The following TMTC2 variants were observed in gnomAD, a reference collection of about 807,000 sequenced individuals.
TMTC2 encodes the protein protein O-mannosyl-transferase TMTC2.
A neutral mutation model predicts 82.4 loss-of-function variants in TMTC2; 43 were observed. That is an observed-to-expected ratio of 0.52 (90% CI 0.41 to 0.67). The LOEUF is 0.67. Ranked by LOEUF, TMTC2 falls within the 30% of genes least tolerant of loss-of-function variation. The pLI, the probability that TMTC2 is intolerant of heterozygous loss-of-function variation, is 0.00. For synonymous variants in TMTC2, 408 were observed against 381.9 expected (o/e 1.07, Z -0.80); for missense variants, 919 against 1,012.4 (o/e 0.91, Z 1.25).
chr12:82,949,994 T>C (rs1481153468), intron 4 of TMTC2, among the ~76,000 whole-genome samples: 3 of 152,174 alleles, frequency 2.0e-5, no homozygotes, highest in Non-Finnish European at 4.4e-5. Context: ...AGTGCATGTA[T>C]AAATAAGAAA....
chr12:82,856,143 A>C (rs1871251274), intron 1 of TMTC2, among the ~76,000 whole-genome samples: 1 of 152,244 alleles, frequency 6.6e-6, no homozygotes, highest in Non-Finnish European at 1.5e-5. Flanking sequence ...GGAGACCAGC[A>C]TGGTGTTTGG....
chr12:82,749,739 C>CTTTCT (rs575985124), intron 1 of TMTC2, among the ~76,000 whole-genome samples: 5,733 of 127,042 alleles, frequency 0.045, 495 homozygotes, highest in African/African-American at 0.17. Flanking sequence ...TTCTTTCTTT[C>CTTTCT]TTTTTTTTTT....
chr12:83,095,018 A>G (rs1304358528), intron 11 of TMTC2, among the ~76,000 whole-genome samples: 1 of 152,202 alleles, frequency 6.6e-6, no homozygotes, highest in Non-Finnish European at 1.5e-5. Context: ...ATAAAGAGAT[A>G]CTAGGAAATT....
chr12:82,879,934 G>C (rs1440923344), intron 2 of TMTC2, among the ~76,000 whole-genome samples: 1 of 152,174 alleles, frequency 6.6e-6, no homozygotes. Flanking sequence ...TGGATGCCGG[G>C]ACTTCATCTG....
intron 1 of TMTC2, among the ~76,000 whole-genome samples, chr12:82,745,108 G>C (rs1412931059): frequency 6.6e-6 from 1 of 151,978 alleles, no homozygotes; most frequent in Admixed American, 6.6e-5. Context: ...AATAAGGCAC[G>C]AGTTAGCATC....
intron 1 of TMTC2, among the ~76,000 whole-genome samples, chr12:82,767,017 C>A (rs1371987667): frequency 2.0e-5 from 3 of 152,034 alleles, no homozygotes; most frequent in African/African-American, 4.8e-5. Context: ...ATTGGATTGA[C>A]AATAGCTTTT....
chr12:83,039,423 C>G (rs1171740689), intron 9 of TMTC2, among the ~76,000 whole-genome samples: 2 of 151,612 alleles, frequency 1.3e-5, no homozygotes, highest in Non-Finnish European at 2.9e-5. Flanking sequence ...ATGAAATATT[C>G]AAATATGATA....
At chr12:82,774,434 A>G (rs997593587) in intron 1 of TMTC2, among the ~76,000 whole-genome samples, 1 of 151,992 alleles carries the variant, frequency 6.6e-6, no homozygotes, top group African/African-American at 2.4e-5. Flanking sequence ...CAGCCTGGCC[A>G]ACATGGTGAA....
At chr12:82,844,396 C>A (rs371441569) in intron 1 of TMTC2, among the ~76,000 whole-genome samples, 3 of 152,134 alleles carry the variant, frequency 2.0e-5, no homozygotes, top group African/African-American at 7.2e-5. Flanking sequence ...ATAATCAAAT[C>A]CCTAGGCACA....
chr12:82,695,815 A>G (rs140710780), intron 1 of TMTC2, among the ~76,000 whole-genome samples: 383 of 152,260 alleles, frequency 2.5e-3, no homozygotes, highest in Admixed American at 4.8e-3. Context: ...TCATTACAGA[A>G]CCATTCCGAA....
At chr12:82,939,361 A>C (rs1743780326) in intron 4 of TMTC2, among the ~76,000 whole-genome samples, 1 of 152,044 alleles carries the variant, frequency 6.6e-6, no homozygotes, top group African/African-American at 2.4e-5. Context: ...TTTAATTTCT[A>C]TATAGAAAAA....
intron 1 of TMTC2, among the ~76,000 whole-genome samples, chr12:82,786,703 G>T (rs1878192236): frequency 6.6e-6 from 1 of 152,086 alleles, no homozygotes; most frequent in African/African-American, 2.4e-5. Flanking sequence ...TGTCTCAACA[G>T]TGATCTGGGC....
At chr12:82,863,519 T>C (rs1871657376) in intron 2 of TMTC2, among the ~76,000 whole-genome samples, 1 of 152,286 alleles carries the variant, frequency 6.6e-6, no homozygotes, top group South Asian at 2.1e-4. Context: ...AAAGTCAATG[T>C]TCAAAAATAT....
In TMTC2 at chr12:82,965,084, C is replaced by T. The variant is rs759887439; in HGVS notation, c.1659C>T (p.Ala553=). 7 of 1,612,154 alleles carry T rather than the reference C, an allele frequency of 4.3e-6. No homozygotes were observed. The African/African-American group carries it at 9.4e-5, about 22-fold the overall frequency. Residue 553 remains alanine (A), a synonymous_variant, in exon 5 of 12, where the codon GCC becomes GCT. Transcript: ENST00000321196. ...AAGCACTACATTATTATAAATTGGC[C>T]ATTGGGAGCAGGCCTACCCTGGCTT... ...FAEALHYYKL[A]IGSRPTLASA... is the part of the protein sequence containing the mutation.
chr12:83,072,594 A>G (rs1883155043), intron 11 of TMTC2, among the ~76,000 whole-genome samples: 1 of 152,208 alleles, frequency 6.6e-6, no homozygotes, highest in East Asian at 1.9e-4. Flanking sequence ...TAGTGCTGTC[A>G]GTGGAGTATT....
intron 7 of TMTC2, among the ~76,000 whole-genome samples, chr12:82,984,169 A>C (rs1400281482): frequency 1.3e-5 from 2 of 152,056 alleles, no homozygotes; most frequent in Non-Finnish European, 2.9e-5. Flanking sequence ...TAGACATATA[A>C]TTTAATTTCA....
chr12:82,729,109 C>T (rs897650051), intron 1 of TMTC2, among the ~76,000 whole-genome samples: 20 of 152,246 alleles, frequency 1.3e-4, no homozygotes, highest in African/African-American at 2.9e-4. Context: ...GGAGTGCTGG[C>T]GCAAGGCCCA....
At chr12:83,120,209 G>A (rs1884904512) in intron 11 of TMTC2, among the ~76,000 whole-genome samples, 1 of 151,938 alleles carries the variant, frequency 6.6e-6, no homozygotes, top group African/African-American at 2.4e-5. Context: ...TTTGTTTTTT[G>A]TTTTTGCTGT....
At chr12:82,761,194 T>C (rs940748600) in intron 1 of TMTC2, among the ~76,000 whole-genome samples, 1 of 152,172 alleles carries the variant, frequency 6.6e-6, no homozygotes, top group African/African-American at 2.4e-5. Flanking sequence ...TTGATCAAGT[T>C]TGTTAGCTTC....
Sources: allele counts gnomAD v4.1 joint callset (sites outside exome capture counted in the v4.1 genomes callset), GRCh38; gene constraint gnomAD v4.1.1; transcripts MANE v1.5; gene names NCBI Gene and HGNC (gene_info 2026-07-23, HGNC 2026-07-21).